THTPA: variants seen among roughly 807,000 people sequenced by gnomAD.
THTPA encodes thiamine triphosphatase.
Under a neutral mutation model 16.5 loss-of-function variants are expected in THTPA, and 16 were observed. The ratio of observed to expected loss-of-function variants is 0.97; its 90% CI spans 0.66 to 1.47. The LOEUF is 1.47. Among genes scored for constraint, THTPA ranks in the 40% most tolerant of loss-of-function variants. The pLI, the probability that THTPA is intolerant of heterozygous loss-of-function variation, is 0.00. For missense variants in THTPA, 281 were observed against 280.9 expected, an observed-to-expected ratio of 1.00 and a Z score of 0.00; for synonymous variants, 110 against 115.5, an observed-to-expected ratio of 0.95 and a Z score of 0.30.
the THTPA span, chr14:23,523,234 G>A: frequency 2.1e-6 from 3 of 1,432,064 alleles, no homozygotes; most frequent in Non-Finnish European, 2.7e-6. The surrounding 1 kb of genome is among the most constrained non-coding windows in gnomAD (Gnocchi z 4.1). Context: ...TGCCCAGCGG[G>A]GGCTGAGCCA....
At chr14:23,558,115 C>T (rs974076469) in intron 1 of THTPA, among the ~76,000 whole-genome samples, 8 of 152,230 alleles carry the variant, frequency 5.3e-5, no homozygotes, top group African/African-American at 1.9e-4. Flanking sequence ...GCCCCCTCAG[C>T]AAACATACAC....
At chr14:23,550,246 T>C in the THTPA span, among the ~76,000 whole-genome samples, 78 of 152,326 alleles carry the variant, frequency 5.1e-4, no homozygotes, top group Non-Finnish European at 1.5e-4. Context: ...GTCCTGGCCA[T>C]GCTGAAGGCA....
chr14:23,544,647 C>G, the THTPA span, among the ~76,000 whole-genome samples: 680 of 152,290 alleles, frequency 4.5e-3, 3 homozygotes, highest in Non-Finnish European at 7.2e-3. Flanking sequence ...CCGGCTGGCG[C>G]GGGCGTGTTT....
chr14:23,542,936 AT>A, the THTPA span: 1 of 152,074 alleles, frequency 6.6e-6, no homozygotes, highest in Non-Finnish European at 1.5e-5. Context: ...GGGTTTCACC[AT>A]GTTGTCCAGG....
Position 23,558,886 on chromosome 14 carries a change from G to A in THTPA, c.*46G>A. On this transcript the variant is annotated 3_prime_UTR_variant, in exon 2 of 2. Transcript: ENST00000288014. ...GGAAGGGAACTCTGGGTCTAACGGA[G>A]TCCACTCCTGGGCCCACTGTGCCTC... is the stretch of plus-strand genomic sequence containing the variant. 1.2e-6 allele frequency: 2 copies of A among 1,609,392 alleles called. No homozygotes were observed. Among genetic ancestry groups the A allele is most frequent in the Non-Finnish European group, 1.7e-6 (2 of 1,177,552 alleles).
At chr14:23,538,037 T>C in the THTPA span, 1 of 152,356 alleles carries the variant, frequency 6.6e-6, no homozygotes, top group South Asian at 2.1e-4. Context: ...CAGCTCAGAG[T>C]AGGGCTAGGC....
the THTPA span, among the ~76,000 whole-genome samples, chr14:23,519,259 C>A: frequency 6.6e-6 from 1 of 152,160 alleles, no homozygotes; most frequent in African/African-American, 2.4e-5. Context: ...CACTTCTAAT[C>A]ATTCCATGCC....
chr14:23,529,093 G>A, the THTPA span, among the ~76,000 whole-genome samples: 1 of 152,240 alleles, frequency 6.6e-6, no homozygotes. Context: ...GTTACATATT[G>A]TAGTCCAGTT....
rs1197572353 is a variant in THTPA, at chr14:23,556,306, C to G, written c.-452C>G. ...AGTGTATGGCGTGGGCTCCCTTCCCCCTCTGTGGGTCCCGCGAGGAGACTC... is the reference window on the plus strand; with the variant it reads ...AGTGTATGGCGTGGGCTCCCTTCCCGCTCTGTGGGTCCCGCGAGGAGACTC... On this transcript the variant is annotated 5_prime_UTR_variant, in exon 1 of 2. Coordinates refer to ENST00000288014, the MANE Select transcript of THTPA (RefSeq NM_024328.6). 2 of 160,642 alleles carry G rather than the reference C, an allele frequency of 1.2e-5. No homozygotes were observed. Among genetic ancestry groups the G allele is most frequent in the Admixed American group, 6.0e-5 (1 of 16,560 alleles). 10.0% of individuals were successfully genotyped at this position (160,642 alleles called of 1,614,324 possible).
At chr14:23,513,131 C>G in the THTPA span, 1 of 152,330 alleles carries the variant, frequency 6.6e-6, no homozygotes, top group South Asian at 2.1e-4. Context: ...CCTCCCCTCT[C>G]CCCATCCCCC....
At chr14:23,533,547 G>A in the THTPA span, 38 of 1,536,318 alleles carry the variant, frequency 2.5e-5, no homozygotes, top group Middle Eastern at 1.7e-4. This position sits in a 1 kb window ranked among gnomAD's most constrained non-coding sequence, Gnocchi z 4.8. Context: ...CATTCTGCAT[G>A]TGCTTCTCAG....
In THTPA at chr14:23,559,843, A is replaced by G. The variant is rs762000472; in HGVS notation, c.*1003A>G. The stretch of plus-strand genomic sequence containing the variant: ...GTAGGTGAGGCGCAGCTTTAGCCGC[A>G]GGGGGGCCTAGGAATAGGAGAGCAG... On this transcript the variant is annotated 3_prime_UTR_variant, in exon 2 of 2. Coordinates refer to ENST00000288014, the MANE Select transcript of THTPA (RefSeq NM_024328.6). The G allele has an allele frequency of 2.5e-6, 4 of 1,614,054 alleles. No individual in the cohort carries two copies. Among genetic ancestry groups the G allele is most frequent in the Non-Finnish European group, 3.4e-6 (4 of 1,179,998 alleles).
In THTPA at chr14:23,556,785, C is replaced by G. The variant is rs764709685; in HGVS notation, c.28C>G (p.Arg10Gly). The G allele has an allele frequency of 6.2e-7, 1 of 1,613,404 alleles. No homozygotes were observed. The highest frequency in any genetic ancestry group is 1.1e-5 in the South Asian group (1 of 90,956). Reference sequence around the variant, plus strand: ...GGCCCAGGGCTTGATTGAGGTGGAGCGAAAGTTCCTTCCAGGGCCTGGCAC... The same window carrying G: ...GGCCCAGGGCTTGATTGAGGTGGAGGGAAAGTTCCTTCCAGGGCCTGGCAC... MAQGLIEVE[R>G]KFLPGPGTEE... The change falls in exon 1 of 2, where the codon CGA becomes GGA. Residue 10 changes from arginine to glycine, a missense_variant. Transcript: ENST00000288014.
chr14:23,522,201 T>C, the THTPA span: 1 of 1,483,790 alleles, frequency 6.7e-7, no homozygotes, highest in Non-Finnish European at 8.9e-7. Flanking sequence ...CAGTGGTAGG[T>C]GCAGATGGGC....
In THTPA at chr14:23,556,472, G is replaced by A; in HGVS notation, c.-286G>A. ...GCGTTGAAAGGACACCCGCTACCCG[G>A]CCTGCTTTCTAGGGGTCTCTTTGGA... On this transcript the variant is annotated 5_prime_UTR_variant, in exon 1 of 2. Transcript: ENST00000288014. 2.4e-6 allele frequency: 1 copy of A among 421,784 alleles called. No individual in the cohort carries two copies. Among genetic ancestry groups the A allele is most frequent in the Non-Finnish European group, 4.3e-6 (1 of 234,992 alleles). 26.1% of individuals were successfully genotyped at this position (421,784 alleles called of 1,614,324 possible).
At chr14:23,539,159 G>A in the THTPA span, among the ~76,000 whole-genome samples, 1 of 152,162 alleles carries the variant, frequency 6.6e-6, no homozygotes, top group African/African-American at 2.4e-5. Context: ...GCTGAGGAGG[G>A]GAGGAAGATG....
chr14:23,536,183 A>G, the THTPA span, among the ~76,000 whole-genome samples: 3 of 152,140 alleles, frequency 2.0e-5, no homozygotes, highest in Non-Finnish European at 4.4e-5. Flanking sequence ...TCCCACTTCC[A>G]CTACTGCCCG....
chr14:23,533,166 T>C, the THTPA span: 14 of 1,449,266 alleles, frequency 9.7e-6, no homozygotes, highest in Admixed American at 2.6e-5. This position sits in a 1 kb window ranked among gnomAD's most constrained non-coding sequence, Gnocchi z 4.8. Context: ...GGTTAATGAG[T>C]AGGATAGTGC....
At chr14:23,529,607 A>G in the THTPA span, 3 of 1,175,346 alleles carry the variant, frequency 2.6e-6, no homozygotes, top group Non-Finnish European at 3.7e-6. Flanking sequence ...TCTGAGTGAA[A>G]TAAGTCAAAG....
Sources: allele counts gnomAD v4.1 joint callset (sites outside exome capture counted in the v4.1 genomes callset), GRCh38; gene constraint gnomAD v4.1.1; non-coding constraint Gnocchi (gnomAD v3.1); transcripts MANE v1.5; gene names NCBI Gene and HGNC (gene_info 2026-07-23, HGNC 2026-07-21).